GNA12: variants seen among roughly 807,000 people sequenced by gnomAD.
The protein encoded by GNA12 is guanine nucleotide-binding protein subunit alpha-12.
In GNA12, 9 loss-of-function variants were observed where a neutral mutation model predicts 26.0. The ratio of observed to expected loss-of-function variants is 0.35; its 90% CI spans 0.21 to 0.60. The LOEUF is 0.60. Among genes scored for constraint, GNA12 ranks in the 20% least tolerant of loss-of-function variants. The pLI is 0.78. For synonymous variants in GNA12, 264 were observed against 219.6 expected (o/e 1.20, Z -1.79); for missense variants, 405 against 525.8 (o/e 0.77, Z 2.25).
chr7:2,756,193 TGAG>T (rs1430893889), intron 2 of GNA12, among the ~76,000 whole-genome samples: 2 of 151,818 alleles, frequency 1.3e-5, no homozygotes, highest in Non-Finnish European at 2.9e-5. Flanking sequence ...GCAACTCAAA[TGAG>T]GAAAGGAAAA....
intron 2 of GNA12, among the ~76,000 whole-genome samples, chr7:2,772,774 A>G (rs1791981199): frequency 6.6e-6 from 1 of 152,200 alleles, no homozygotes; most frequent in South Asian, 2.1e-4. Context: ...AAACCCAGCA[A>G]TCCCACTCCT....
intron 2 of GNA12, among the ~76,000 whole-genome samples, chr7:2,735,118 C>CT (rs1790100042): frequency 6.6e-6 from 1 of 152,036 alleles, no homozygotes; most frequent in South Asian, 2.1e-4. Flanking sequence ...CACTCACTCC[C>CT]TGATTTACGA....
rs35629917 is a variant in GNA12, at chr7:2,810,901, A to AAAAGAAAG, written c.310-15766_310-15759dup. On this transcript the variant is annotated intron_variant, in intron 1 of 3. Transcript: ENST00000275364. Reference sequence around the variant, plus strand: ...TGACAAGAGTGAAACTCTGTCTTAAAAAAGAAAGAAAGAAAGAAAGAAAAA... The same window carrying AAAAGAAAG: ...TGACAAGAGTGAAACTCTGTCTTAAAAAAGAAAGAAAGAAAGAAAGAAAGAAAGAAAAA... 2.1e-3 allele frequency among the ~76,000 whole-genome samples: 317 copies of AAAAGAAAG among 149,900 alleles called. 1 individual carries two copies. Among genetic ancestry groups the AAAAGAAAG allele is most frequent in the Middle Eastern group, 3.4e-3 (1 of 292 alleles).
chr7:2,747,700 G>A (rs112855295), intron 2 of GNA12, among the ~76,000 whole-genome samples: 244 of 152,218 alleles, frequency 1.6e-3, no homozygotes, highest in African/African-American at 5.5e-3. Context: ...GAAATAAAGG[G>A]TATTCAATTA....
chr7:2,757,565 C>T (rs1418872866), intron 2 of GNA12, among the ~76,000 whole-genome samples: 1 of 152,148 alleles, frequency 6.6e-6, no homozygotes, highest in African/African-American at 2.4e-5. Context: ...GCCAGGTGCA[C>T]CAGCCTGCGA....
At chr7:2,837,361 G>T (rs901457021) in intron 1 of GNA12, among the ~76,000 whole-genome samples, 1 of 152,228 alleles carries the variant, frequency 6.6e-6, no homozygotes, top group Non-Finnish European at 1.5e-5. Flanking sequence ...ATTAACAAAA[G>T]TGCTAACAGC....
intron 2 of GNA12, among the ~76,000 whole-genome samples, chr7:2,739,840 T>C (rs1230851621): frequency 1.2e-4 from 18 of 152,106 alleles, no homozygotes; most frequent in Admixed American, 1.2e-3. Context: ...CCTGGCTAAT[T>C]TTTGTATTTT....
intron 2 of GNA12, among the ~76,000 whole-genome samples, chr7:2,744,915 A>G (rs1295960400): frequency 6.6e-6 from 1 of 152,214 alleles, no homozygotes; most frequent in African/African-American, 2.4e-5. Context: ...AAGAAAGGGT[A>G]TAAGTGATGG....
intron 1 of GNA12, chr7:2,814,495 G>C: frequency 1.3e-6 from 1 of 784,178 alleles, no homozygotes; most frequent in Non-Finnish European, 2.2e-6. Flanking sequence ...TAAAATCAAA[G>C]ACACAAACCA....
rs924310995 is a variant in GNA12 at position 2,815,442 on chromosome 7, T to A, written c.310-20299A>T. Among the ~76,000 whole-genome samples, 3 of 152,118 alleles carry A rather than the reference T, an allele frequency of 2.0e-5. No homozygotes were observed. The South Asian group carries it at 6.2e-4, about 32-fold the overall frequency. ...GGGAGGCTGGAGCGTGTAGGAGAGA[T>A]GACTCAGCGCAGGTTGGAGTGCAGG... On this transcript the variant is annotated intron_variant, in intron 1 of 3. Coordinates refer to ENST00000275364, the MANE Select transcript of GNA12 (RefSeq NM_007353.3).
chr7:2,732,537 C>A (rs1789950344), intron 3 of GNA12, among the ~76,000 whole-genome samples: 1 of 152,080 alleles, frequency 6.6e-6, no homozygotes, highest in Non-Finnish European at 1.5e-5. Flanking sequence ...CAGAGTGAGA[C>A]CCTGTCTCAA....
At chr7:2,755,586 T>C (rs1379357838) in intron 2 of GNA12, among the ~76,000 whole-genome samples, 1 of 152,258 alleles carries the variant, frequency 6.6e-6, no homozygotes, top group Non-Finnish European at 1.5e-5. Context: ...ATATTTTGTA[T>C]ATGGATCTTG....
intron 1 of GNA12, among the ~76,000 whole-genome samples, chr7:2,819,802 C>G (rs564995822): frequency 9.2e-5 from 14 of 152,242 alleles, no homozygotes; most frequent in African/African-American, 3.1e-4. Flanking sequence ...AATGTTGCGG[C>G]CAATTCAGAA....
chr7:2,743,794 A>G (rs798509), intron 2 of GNA12, among the ~76,000 whole-genome samples: 85,136 of 151,840 alleles, frequency 0.56, 24,366 homozygotes, highest in Admixed American at 0.63. Flanking sequence ...GGTGACACAT[A>G]GCACCTGGAA....
intron 1 of GNA12, among the ~76,000 whole-genome samples, chr7:2,808,595 C>T (rs763964286): frequency 6.6e-6 from 1 of 152,210 alleles, no homozygotes; most frequent in Non-Finnish European, 1.5e-5. Context: ...ATGCACCATC[C>T]TGAGGTCTGG....
intron 2 of GNA12, among the ~76,000 whole-genome samples, chr7:2,775,926 A>G (rs208340): frequency 1 from 151,830 of 152,394 alleles, 75,636 homozygotes; most frequent in East Asian, 1. Context: ...AGCTAGGCTT[A>G]ATGCAGCCAT....
chr7:2,736,893 G>A (rs1161323033), intron 2 of GNA12, among the ~76,000 whole-genome samples: 11 of 152,188 alleles, frequency 7.2e-5, no homozygotes, highest in Non-Finnish European at 1.2e-4. Flanking sequence ...TTAGGACCAC[G>A]AGAAAAGAGC....
intron 1 of GNA12, among the ~76,000 whole-genome samples, chr7:2,820,586 C>T (rs1793328293): frequency 6.6e-6 from 1 of 152,046 alleles, no homozygotes; most frequent in Non-Finnish European, 1.5e-5. Context: ...AAGTCCCAAG[C>T]GCTGTAAAGC....
chr7:2,738,015 G>A (rs1790295494), intron 2 of GNA12, among the ~76,000 whole-genome samples: 1 of 152,182 alleles, frequency 6.6e-6, no homozygotes, highest in South Asian at 2.1e-4. Flanking sequence ...AGCTGTGAAA[G>A]TATTCTGGAA....
Sources: gnomAD v4.1 joint callset for allele counts (sites outside exome capture counted in the v4.1 genomes callset) on GRCh38, gnomAD v4.1.1 for gene constraint, MANE v1.5 for transcripts, NCBI Gene and HGNC (gene_info 2026-07-23, HGNC 2026-07-21) for gene names.